Variants in STPG2 observed in about 807,000 individuals in gnomAD.
STPG2 encodes sperm-tail PG-rich repeat-containing protein 2.
STPG2 carries 56 observed loss-of-function variants against 54.2 expected under a neutral mutation model. The ratio of observed to expected loss-of-function variants is 1.03; its 90% confidence interval spans 0.83 to 1.29. The LOEUF (loss-of-function observed/expected upper bound fraction) is 1.29. Among genes scored for constraint, STPG2 ranks in the 50% most tolerant of loss-of-function variants. The pLI is 0.00. For missense variants in STPG2, 596 were observed against 544.9 expected, an observed-to-expected ratio of 1.09 and a Z score of -0.93; for synonymous variants, 200 against 181.8, an observed-to-expected ratio of 1.10 and a Z score of -0.81.
chr4:97,794,673 A>G (rs935102287), intron 9 of STPG2, among the ~76,000 whole-genome samples: 8 of 152,122 alleles, frequency 5.3e-5, no homozygotes, highest in Non-Finnish European at 1.0e-4. Context: ...TATAACAATT[A>G]TCCTATATTT....
intron 9 of STPG2, among the ~76,000 whole-genome samples, chr4:97,773,718 T>G (rs1726286953): frequency 6.6e-6 from 1 of 152,276 alleles, no homozygotes; most frequent in East Asian, 1.9e-4. Context: ...AGCCAAAACA[T>G]CAATTTTATA....
chr4:97,474,430 C>G (rs1440714026), intron 4 of STPG2, among the ~76,000 whole-genome samples: 1 of 152,128 alleles, frequency 6.6e-6, no homozygotes, highest in Non-Finnish European at 1.5e-5. Flanking sequence ...CATTTTATCA[C>G]TAGTATTATG....
chr4:97,893,888 T>G (rs981454803), intron 8 of STPG2, among the ~76,000 whole-genome samples: 2 of 152,016 alleles, frequency 1.3e-5, no homozygotes, highest in Non-Finnish European at 2.9e-5. Context: ...TAAAATCTAT[T>G]ATTTATAAAT....
intron 8 of STPG2, among the ~76,000 whole-genome samples, chr4:97,848,986 C>T (rs1393504987): frequency 5.4e-5 from 8 of 149,254 alleles, no homozygotes; most frequent in African/African-American, 2.0e-4. Flanking sequence ...GATGTGGGCT[C>T]TTTTTTGGTT....
At chr4:97,461,581 G>C (rs1292318994) in intron 4 of STPG2, among the ~76,000 whole-genome samples, 1 of 152,150 alleles carries the variant, frequency 6.6e-6, no homozygotes, top group Non-Finnish European at 1.5e-5. Flanking sequence ...ATGGATCTCA[G>C]ATTTCTAGCA....
chr4:97,652,182 T>C (rs1722090022), intron 10 of STPG2, among the ~76,000 whole-genome samples: 1 of 151,962 alleles, frequency 6.6e-6, no homozygotes, highest in Non-Finnish European at 1.5e-5. Context: ...ATAAAAAATA[T>C]TTCTATTTAC....
At chr4:97,838,766 G>C (rs1331303593) in intron 9 of STPG2, among the ~76,000 whole-genome samples, 1 of 151,360 alleles carries the variant, frequency 6.6e-6, no homozygotes, top group Non-Finnish European at 1.5e-5. Context: ...AATTTAAAAG[G>C]ATAATTCCAT....
chr4:97,797,308 GA>G (rs1397054620), intron 9 of STPG2, among the ~76,000 whole-genome samples: 1 of 152,148 alleles, frequency 6.6e-6, no homozygotes, highest in Admixed American at 6.5e-5. Context: ...CATTCAGTAT[GA>G]TATTGGCTGT....
chr4:97,523,021 G>T (rs1384594769), intron 4 of STPG2, among the ~76,000 whole-genome samples: 1 of 151,936 alleles, frequency 6.6e-6, no homozygotes, highest in Non-Finnish European at 1.5e-5. Context: ...CTATCCTGAA[G>T]TAGTTCCTGA....
At chr4:97,690,399 C>T (rs1018186435) in intron 10 of STPG2, among the ~76,000 whole-genome samples, 3 of 152,002 alleles carry the variant, frequency 2.0e-5, no homozygotes, top group Non-Finnish European at 4.4e-5. Context: ...CACTTTTAGT[C>T]CTCAGGGCAA....
intron 4 of STPG2, among the ~76,000 whole-genome samples, chr4:97,505,043 A>ATTT (rs532296659): frequency 6.7e-6 from 1 of 148,184 alleles, no homozygotes; most frequent in African/African-American, 2.5e-5. Context: ...TTACAGTGGT[A>ATTT]TTTTTTTTTT....
At chr4:97,964,972 A>C (rs1177201815) in intron 7 of STPG2, among the ~76,000 whole-genome samples, 2 of 152,148 alleles carry the variant, frequency 1.3e-5, no homozygotes, top group African/African-American at 4.8e-5. Flanking sequence ...CACCTGGTTC[A>C]TCTCACTGGG....
intron 10 of STPG2, among the ~76,000 whole-genome samples, chr4:97,598,383 A>T (rs74869513): frequency 8.3e-6 from 1 of 120,012 alleles, no homozygotes; most frequent in African/African-American, 7.6e-5. Flanking sequence ...AAAAAAAAAC[A>T]TTTTAAAATT....
At chr4:98,002,707 C>T (rs1735449569) in intron 5 of STPG2, among the ~76,000 whole-genome samples, 1 of 151,902 alleles carries the variant, frequency 6.6e-6, no homozygotes, top group Non-Finnish European at 1.5e-5. Flanking sequence ...CTTGTAATTA[C>T]CTAAGAACAT....
At chr4:97,925,671 G>A (rs1578697647) in intron 8 of STPG2, among the ~76,000 whole-genome samples, 2 of 152,152 alleles carry the variant, frequency 1.3e-5, no homozygotes, top group Admixed American at 6.5e-5. Flanking sequence ...AAAGAAGTGA[G>A]AGTAACAAAA....
chr4:97,578,673 T>A (rs771161653), intron 10 of STPG2, among the ~76,000 whole-genome samples: 27 of 152,032 alleles, frequency 1.8e-4, no homozygotes, highest in Non-Finnish European at 3.8e-4. Context: ...TTTGTTGAGT[T>A]TTTTCCCCTT....
At chr4:97,692,290 C>A (rs1331998148) in intron 10 of STPG2, among the ~76,000 whole-genome samples, 7 of 76,308 alleles carry the variant, frequency 9.2e-5, no homozygotes, top group Admixed American at 3.4e-4. Context: ...AAAGATGATA[C>A]AGGATATGAA....
At chr4:97,793,006 A>T (rs1727050625) in intron 9 of STPG2, among the ~76,000 whole-genome samples, 1 of 151,994 alleles carries the variant, frequency 6.6e-6, no homozygotes, top group Non-Finnish European at 1.5e-5. Flanking sequence ...TACAAAAATT[A>T]GCCAGGCTTG....
At chr4:98,114,761 T>TG (rs1165767919) in intron 3 of STPG2, among the ~76,000 whole-genome samples, 1,631 of 103,956 alleles carry the variant, frequency 0.016, 20 homozygotes, top group African/African-American at 0.029. Context: ...CCATTTTTTT[T>TG]TTTTTGTGTG....
Sources: gnomAD v4.1 joint callset for allele counts (sites outside exome capture counted in the v4.1 genomes callset) on GRCh38, gnomAD v4.1.1 for gene constraint, MANE v1.5 for transcripts, NCBI Gene and HGNC (gene_info 2026-07-23, HGNC 2026-07-21) for gene names.